Variants in AHCTF1 observed in about 807,000 individuals in gnomAD.
The protein encoded by AHCTF1 is AT-hook containing transcription factor 1, also known as protein ELYS.
In AHCTF1, 24 loss-of-function variants were observed where a neutral mutation model predicts 248.4. The observed-to-expected ratio is 0.10, with a 90% CI of 0.07 to 0.14. The LOEUF (loss-of-function observed/expected upper bound fraction) is 0.14, where lower values mean the gene tolerates loss of function less well. Ranked by LOEUF, AHCTF1 falls within the 10% of genes least tolerant of loss-of-function variation. The probability of loss-of-function intolerance (pLI) is 1.00; values close to 1 mark genes in which losing one functional copy is unlikely to be tolerated. For missense variants in AHCTF1, 2,206 were observed against 2,636.2 expected, an observed-to-expected ratio of 0.84 and a Z score of 3.57; for synonymous variants, 786 against 929.8, an observed-to-expected ratio of 0.85 and a Z score of 2.81.
chr1:246,851,330 G>C lies in AHCTF1; in HGVS notation c.4676C>G (p.Thr1559Ser), dbSNP rs186771516. ...GTLKLQYNFD[T>S]IDQQFCDLAD... The stretch of plus-strand genomic sequence containing the variant: ...TAAGTCACAAAACTGTTGGTCAATA[G>C]TATCAAAATTGTACTGAAGCTTAAG... Residue 1559 changes from threonine to serine, a missense_variant, in exon 33 of 36, where the codon ACT (threonine) becomes AGT (serine). Around this residue, in one of 6 missense-constraint regions of AHCTF1, gnomAD observed 955 missense variants for 1,055.6 expected, o/e 0.90. Coordinates refer to ENST00000648844, the MANE Select transcript of AHCTF1 (RefSeq NM_001323342.2). The C allele has an allele frequency of 9.7e-5, 156 of 1,614,094 alleles. No individual in the cohort carries two copies. In the East Asian group the frequency reaches 2.7e-3, roughly 28 times the overall value.
At chr1:246,864,356 C>T in intron 26 of AHCTF1, 1 of 385,910 alleles carries the variant, frequency 2.6e-6, no homozygotes, top group Non-Finnish European at 4.6e-6. Context: ...GCGTCGTCCT[C>T]CTTCCCTTTA....
intron 24 of AHCTF1, among the ~76,000 whole-genome samples, chr1:246,869,092 C>A (rs1373462666): frequency 1.3e-5 from 2 of 151,200 alleles, no homozygotes; most frequent in African/African-American, 4.9e-5. Flanking sequence ...GATCCGCCCG[C>A]CTTGGCCTCC....
intron 24 of AHCTF1, among the ~76,000 whole-genome samples, chr1:246,870,513 G>C (rs1332313275): frequency 7.2e-5 from 11 of 152,048 alleles, no homozygotes; most frequent in Admixed American, 5.2e-4. Flanking sequence ...CTTACAGATA[G>C]GCAAACAAGT....
chr1:246,842,658 C>G (rs1271303364), intron 35 of AHCTF1, 36 bp downstream of exon 35: 1 of 1,564,548 alleles, frequency 6.4e-7, no homozygotes, highest in Admixed American at 1.7e-5. Flanking sequence ...CTGTCTCAAT[C>G]AATCAATCAA....
At chr1:246,906,081 G>A (rs1665368125) in intron 5 of AHCTF1, among the ~76,000 whole-genome samples, 1 of 152,136 alleles carries the variant, frequency 6.6e-6, no homozygotes. Context: ...ACAAAGAGAC[G>A]AGATACTGCC....
chr1:246,855,282 G>A (rs1661034333), intron 31 of AHCTF1, among the ~76,000 whole-genome samples: 1 of 151,916 alleles, frequency 6.6e-6, no homozygotes, highest in Admixed American at 6.6e-5. Context: ...TATAGCCAGG[G>A]CCTAACTGAG....
chr1:246,868,286 G>A (rs893164102), intron 24 of AHCTF1, among the ~76,000 whole-genome samples: 2 of 152,038 alleles, frequency 1.3e-5, no homozygotes, highest in Non-Finnish European at 1.5e-5. Context: ...GTGCCACCAC[G>A]CTAATTTTTG....
Position 246,840,954 on chromosome 1 carries a change from A to G in AHCTF1, c.6653T>C (p.Ile2218Thr). 6.2e-7 allele frequency: 1 copy of G among 1,612,252 alleles called. No individual in the cohort carries two copies. The highest frequency in any genetic ancestry group is 1.3e-5 in the African/African-American group (1 of 74,890). The change falls in exon 36 of 36, where the codon ATT becomes ACT. Residue 2218 changes from isoleucine (I) to threonine (T), a missense_variant. Coordinates refer to ENST00000648844, the MANE Select transcript of AHCTF1 (RefSeq NM_001323342.2). The stretch of plus-strand genomic sequence containing the variant: ...GCTAGCCAAGGGGGAAATCAGCCGA[A>G]TTTCTATGGGAGGAGGTGACCAAGC... ...ESAWSPPPIEIRLISPLASPA... is the reference protein window; with the variant it reads ...ESAWSPPPIETRLISPLASPA...
At chr1:246,887,983 A>C in intron 19 of AHCTF1, among the ~76,000 whole-genome samples, 194 bp downstream of exon 19, 1 of 152,202 alleles carries the variant, frequency 6.6e-6, no homozygotes, top group East Asian at 1.9e-4. Flanking sequence ...CAAATAAAAA[A>C]CAAAATTTTT....
intron 24 of AHCTF1, among the ~76,000 whole-genome samples, chr1:246,872,479 C>T (rs529228497): frequency 6.6e-6 from 1 of 152,336 alleles, no homozygotes; most frequent in South Asian, 2.1e-4. Flanking sequence ...TCTTGAGGTT[C>T]TGGCTTACTC....
chr1:246,851,769 C>T (rs1660733834), intron 32 of AHCTF1: 1 of 208,174 alleles, frequency 4.8e-6, no homozygotes, highest in Non-Finnish European at 9.6e-6. Context: ...TCTATTCTCA[C>T]CCAAGAAAAA....
chr1:246,888,070 C>T, intron 19 of AHCTF1, 107 bp downstream of exon 19: 2 of 1,305,842 alleles, frequency 1.5e-6, no homozygotes, highest in South Asian at 1.4e-5. Context: ...CTTAAGAAAA[C>T]AAAACCAAAA....
chr1:246,867,646 T>C lies in AHCTF1; in HGVS notation c.3239+15A>G. 6.2e-7 allele frequency: 1 copy of C among 1,610,370 alleles called. No individual in the cohort carries two copies. Among genetic ancestry groups the C allele is most frequent in the South Asian group, 1.1e-5 (1 of 90,562 alleles). On this transcript the variant is annotated intron_variant, in intron 25 of 35. Coordinates refer to ENST00000648844, the MANE Select transcript of AHCTF1 (RefSeq NM_001323342.2). ...TAACAAGCAGCATGACTATGAAACG[T>C]GTAAGAAAACATACCTATTGAAAGG...
intron 31 of AHCTF1, among the ~76,000 whole-genome samples, 167 bp downstream of exon 31, chr1:246,855,563 T>C (rs1398200146): frequency 6.6e-6 from 1 of 152,034 alleles, no homozygotes; most frequent in Admixed American, 6.6e-5. Flanking sequence ...TGACAGCTTA[T>C]ATATCTCCTT....
At chr1:246,881,940 A>G (rs931453899) in intron 21 of AHCTF1, among the ~76,000 whole-genome samples, 1 of 150,868 alleles carries the variant, frequency 6.6e-6, no homozygotes, top group African/African-American at 2.4e-5. Context: ...TTGGCCTCCC[A>G]AAGTGCTGGG....
chr1:246,924,968 C>A (rs891719971), intron 1 of AHCTF1, among the ~76,000 whole-genome samples: 1 of 152,106 alleles, frequency 6.6e-6, no homozygotes, highest in Non-Finnish European at 1.5e-5. Context: ...CACAAATGGA[C>A]CCTATTCATC....
intron 21 of AHCTF1, among the ~76,000 whole-genome samples, chr1:246,880,546 A>G (rs999867447): frequency 9.4e-5 from 14 of 149,220 alleles, no homozygotes; most frequent in African/African-American, 3.0e-4. Flanking sequence ...CCAGCCTGGC[A>G]GACAGAGTGA....
Position 246,839,245 on chromosome 1 carries a change from CTT to C in AHCTF1, c.*1559_*1560del, listed in dbSNP as rs199686540. On this transcript the variant is annotated 3_prime_UTR_variant, in exon 36 of 36. Transcript: ENST00000648844. ...TCACGGAGGGGGGAAAAAAAGTACA[CTT>C]ATTAAAAACAGGTACCACACATCTA... The C allele has an allele frequency of 0.01, 1,530 of 152,320 alleles. 20 individuals carry two copies. Among genetic ancestry groups the C allele is most frequent in the Middle Eastern group, 0.017 (5 of 294 alleles). 9.4% of individuals were successfully genotyped at this position (152,320 alleles called of 1,614,324 possible).
intron 14 of AHCTF1, among the ~76,000 whole-genome samples, chr1:246,893,714 T>A (rs1664372822): frequency 6.6e-6 from 1 of 152,218 alleles, no homozygotes; most frequent in Admixed American, 6.5e-5. Context: ...ATCATTTCTA[T>A]CAATATGTTA....
Sources: allele counts gnomAD v4.1 joint callset (sites outside exome capture counted in the v4.1 genomes callset), GRCh38; gene constraint gnomAD v4.1.1; regional missense constraint gnomAD v4.1.1; transcripts MANE v1.5; gene names NCBI Gene and HGNC (gene_info 2026-07-23, HGNC 2026-07-21).